Variants in PHKB observed in about 807,000 individuals in gnomAD.
The protein encoded by PHKB is phosphorylase kinase regulatory subunit beta, also known as phosphorylase b kinase regulatory subunit beta.
A neutral mutation model predicts 152.1 loss-of-function variants in PHKB; 122 were observed. The observed-to-expected ratio is 0.80, with a 90% CI of 0.69 to 0.93. The LOEUF (loss-of-function observed/expected upper bound fraction) is 0.93, where lower values mean the gene tolerates loss of function less well. PHKB is among the 40% of genes least tolerant of loss of function. The pLI is 0.00. For missense variants in PHKB, 1,304 were observed against 1,328.4 expected, an observed-to-expected ratio of 0.98 and a Z score of 0.29; for synonymous variants, 436 against 464.9, an observed-to-expected ratio of 0.94 and a Z score of 0.80.
intron 1 of PHKB, among the ~76,000 whole-genome samples, chr16:47,489,358 C>T (rs569184788): frequency 6.6e-6 from 1 of 152,320 alleles, no homozygotes; most frequent in East Asian, 1.9e-4. Flanking sequence ...AATTTCTCTT[C>T]CTCCAGTACT....
intron 6 of PHKB, among the ~76,000 whole-genome samples, chr16:47,541,965 T>G (rs531692973): frequency 6.6e-6 from 1 of 152,328 alleles, no homozygotes; most frequent in South Asian, 2.1e-4. Flanking sequence ...ACTCTGATGG[T>G]AGTTTCTTTT....
chr16:47,668,464 G>C (rs1274223962), intron 25 of PHKB, among the ~76,000 whole-genome samples: 1 of 152,166 alleles, frequency 6.6e-6, no homozygotes, highest in Admixed American at 6.5e-5. Flanking sequence ...AGATGGAAAG[G>C]GGTATTCAGG....
At chr16:47,517,176 C>A (rs1258358809) in intron 6 of PHKB, among the ~76,000 whole-genome samples, 1 of 152,112 alleles carries the variant, frequency 6.6e-6, no homozygotes, top group African/African-American at 2.4e-5. Flanking sequence ...ATCCTAGATC[C>A]CTGTGGAACA....
chr16:47,492,820 C>T (rs1970172385), intron 1 of PHKB, among the ~76,000 whole-genome samples: 1 of 152,194 alleles, frequency 6.6e-6, no homozygotes, highest in African/African-American at 2.4e-5. Flanking sequence ...TGGTTTGCAT[C>T]TCACTCACCC....
intron 14 of PHKB, among the ~76,000 whole-genome samples, chr16:47,618,072 C>A (rs895205975): frequency 6.6e-6 from 1 of 152,256 alleles, no homozygotes; most frequent in African/African-American, 2.4e-5. Context: ...AAATCCAGTG[C>A]CCCTCTGGGG....
rs376193575 is a variant in PHKB, at chr16:47,507,831, C to T, written c.406-3834C>T. Reference sequence around the variant, plus strand: ...GAAGCATGCACCCAGCTCAAAGCCTCTCACCATACCTTCACATCTTGTTGC... The same window carrying T: ...GAAGCATGCACCCAGCTCAAAGCCTTTCACCATACCTTCACATCTTGTTGC... On this transcript the variant is annotated intron_variant, in intron 4 of 30. Coordinates refer to ENST00000323584, the MANE Select transcript of PHKB (RefSeq NM_000293.3). Among the ~76,000 whole-genome samples, 3 of 152,184 alleles carry T rather than the reference C, an allele frequency of 2.0e-5. No homozygotes were observed. In the East Asian group the frequency reaches 5.8e-4, roughly 29 times the overall value.
At chr16:47,530,297 A>G (rs1203080456) in intron 6 of PHKB, among the ~76,000 whole-genome samples, 2 of 152,038 alleles carry the variant, frequency 1.3e-5, no homozygotes, top group Admixed American at 1.3e-4. Flanking sequence ...CACCATGCGC[A>G]ACTAATGTTT....
In PHKB at chr16:47,699,550, C is replaced by A; in HGVS notation, c.*184C>A. 1.4e-6 allele frequency: 1 copy of A among 689,680 alleles called. No individual in the cohort carries two copies. Among genetic ancestry groups the A allele is most frequent in the Non-Finnish European group, 2.6e-6 (1 of 380,640 alleles). The allele number at this position is 689,680 out of a possible 1,614,324, so 42.7% of individuals were successfully genotyped here. ...GCCAATCTAACGGTAATGGTAAATG[C>A]TTTTAATCAAGCAGGAAAAAGTTCT... On this transcript the variant is annotated 3_prime_UTR_variant, in exon 31 of 31. Transcript: ENST00000323584.
chr16:47,634,025 C>G (rs1369473082), intron 14 of PHKB, among the ~76,000 whole-genome samples: 1 of 152,180 alleles, frequency 6.6e-6, no homozygotes, highest in Non-Finnish European at 1.5e-5. Context: ...TGCAGTGACC[C>G]AGGGTTGTGG....
Position 47,699,754 on chromosome 16 carries a change from G to T in PHKB, c.*388G>T. On this transcript the variant is annotated 3_prime_UTR_variant, in exon 31 of 31. Coordinates refer to ENST00000323584, the MANE Select transcript of PHKB (RefSeq NM_000293.3). ...AATTTGCCAACTAGTAATGCATACT[G>T]GAAATCAAAAGATACTGAAAGAATG... 1 of 259,230 alleles carries T rather than the reference G, an allele frequency of 3.9e-6. No individual in the cohort carries two copies. The highest frequency in any genetic ancestry group is 4.8e-5 in the South Asian group (1 of 20,912). 16.1% of individuals were successfully genotyped at this position (259,230 alleles called of 1,614,324 possible). A position where few individuals can be genotyped will look rare whatever the true frequency, so the allele number is the denominator to read the frequency against.
chr16:47,495,890 A>T (rs1970223742), intron 1 of PHKB, among the ~76,000 whole-genome samples: 1 of 152,160 alleles, frequency 6.6e-6, no homozygotes, highest in Admixed American at 6.5e-5. Context: ...TTGTAAGAAA[A>T]TCTTCTTTTC....
At chr16:47,682,567 C>T (rs949926902) in intron 26 of PHKB, among the ~76,000 whole-genome samples, 2 of 152,236 alleles carry the variant, frequency 1.3e-5, no homozygotes, top group African/African-American at 4.8e-5. Context: ...GCTCCTGAGG[C>T]TTCTGCATTC....
At position 47,685,333 on chromosome 16, in the gene PHKB, G is replaced by C. The variant is rs534029398; in HGVS notation, c.2631-3708G>C. ...CCAGCTACTCAGGAGACTTAGGCAGGAGAATCACTTTAACCTGGGAGCCGG... is the reference window on the plus strand; with the variant it reads ...CCAGCTACTCAGGAGACTTAGGCAGCAGAATCACTTTAACCTGGGAGCCGG... On this transcript the variant is annotated intron_variant, in intron 26 of 30. Transcript: ENST00000323584. 2.0e-4 allele frequency among the ~76,000 whole-genome samples: 31 copies of C among 152,292 alleles called. 1 individual carries two copies. The highest frequency in any genetic ancestry group is 5.2e-4 in the Admixed American group (8 of 15,306).
chr16:47,480,471 C>A (rs1482243347), intron 1 of PHKB, among the ~76,000 whole-genome samples: 1 of 152,000 alleles, frequency 6.6e-6, no homozygotes, highest in Non-Finnish European at 1.5e-5. Context: ...TAAGATTCAA[C>A]AATATTATGG....
chr16:47,521,609 T>C (rs759555667), intron 6 of PHKB, among the ~76,000 whole-genome samples: 4 of 151,700 alleles, frequency 2.6e-5, no homozygotes, highest in Non-Finnish European at 5.9e-5. Flanking sequence ...AAGCTGAGAT[T>C]GTGCCATTGC....
intron 6 of PHKB, 151 bp from the exon 7 acceptor site, chr16:47,547,282 G>C: frequency 7.9e-6 from 5 of 634,572 alleles, no homozygotes; most frequent in Non-Finnish European, 1.4e-5. Flanking sequence ...ATGAGTTTCT[G>C]CATGTTGGTC....
rs1970417557 is a variant in PHKB, at chr16:47,506,242, T to TCA, written c.405+3153_405+3154insAC. ...TAAAAAGAGTGATAACAAGTCTTCT[T>TCA]CTTCAGGCCTGTAATTCAAGTCAAA... On this transcript the variant is annotated intron_variant, in intron 4 of 30. Transcript: ENST00000323584. 1.3e-4 allele frequency among the ~76,000 whole-genome samples: 19 copies of TCA among 151,858 alleles called. No homozygotes were observed. The South Asian group carries it at 4.0e-3, about 32-fold the overall frequency.
chr16:47,672,568 C>T (rs1040041728), intron 26 of PHKB, among the ~76,000 whole-genome samples: 7 of 152,088 alleles, frequency 4.6e-5, no homozygotes, highest in African/African-American at 1.7e-4. Context: ...AAGTGACAGC[C>T]ATCCTTGCAG....
At chr16:47,485,203 C>T (rs1164005727) in intron 1 of PHKB, among the ~76,000 whole-genome samples, 2 of 152,126 alleles carry the variant, frequency 1.3e-5, no homozygotes, top group Admixed American at 6.5e-5. Flanking sequence ...TTTATTCCTC[C>T]ATTGAGAGCA....
Sources: gnomAD v4.1 joint callset for allele counts (sites outside exome capture counted in the v4.1 genomes callset) on GRCh38, gnomAD v4.1.1 for gene constraint, MANE v1.5 for transcripts, NCBI Gene and HGNC (gene_info 2026-07-23, HGNC 2026-07-21) for gene names.